Variants in ZBTB20 observed in about 807,000 individuals in gnomAD.
The protein encoded by ZBTB20 is zinc finger and BTB domain-containing protein 20.
In ZBTB20, 9 loss-of-function variants were observed where a neutral mutation model predicts 56.9. The ratio of observed to expected loss-of-function variants is 0.16; its 90% confidence interval spans 0.10 to 0.28. The LOEUF is 0.28. Ranked by LOEUF, ZBTB20 falls within the 10% of genes least tolerant of loss-of-function variation. The pLI, the probability that ZBTB20 is intolerant of heterozygous loss-of-function variation, is 1.00. For synonymous variants in ZBTB20, 417 were observed against 420.7 expected (o/e 0.99, Z 0.11); for missense variants, 655 against 1,003.0 (o/e 0.65, Z 4.69).
chr3:114,578,778 A>T (rs1374964629), intron 6 of ZBTB20, among the ~76,000 whole-genome samples: 1 of 151,772 alleles, frequency 6.6e-6, no homozygotes, highest in African/African-American at 2.4e-5. Context: ...CAAGGTCCTC[A>T]TTAAATAATT....
chr3:114,561,856 T>C (rs949115850), intron 6 of ZBTB20, among the ~76,000 whole-genome samples: 1 of 152,108 alleles, frequency 6.6e-6, no homozygotes, highest in Admixed American at 6.6e-5. Flanking sequence ...TCAATAGCTA[T>C]AAAAACCCTA....
intron 2 of ZBTB20, among the ~76,000 whole-genome samples, chr3:115,048,317 TCTA>T (rs2081413430): frequency 1.3e-5 from 2 of 152,194 alleles, no homozygotes. Flanking sequence ...TACACACAAA[TCTA>T]CTATTTCTAT....
At chr3:114,839,142 T>C (rs1398421767) in intron 4 of ZBTB20, among the ~76,000 whole-genome samples, 1 of 152,166 alleles carries the variant, frequency 6.6e-6, no homozygotes, top group Admixed American at 6.5e-5. Context: ...GTCTCATGCC[T>C]ATAATCCCAG....
intron 5 of ZBTB20, among the ~76,000 whole-genome samples, chr3:114,714,401 T>C (rs2064311614): frequency 6.6e-6 from 1 of 152,204 alleles, no homozygotes; most frequent in Non-Finnish European, 1.5e-5. Flanking sequence ...ACTTCCTCCA[T>C]TAAACTGGCT....
At chr3:114,539,737 C>G (rs772684850) in intron 6 of ZBTB20, among the ~76,000 whole-genome samples, 1 of 151,996 alleles carries the variant, frequency 6.6e-6, no homozygotes, top group Non-Finnish European at 1.5e-5. Context: ...CTATACCCAC[C>G]CTTCCAGTTC....
intron 4 of ZBTB20, among the ~76,000 whole-genome samples, chr3:114,889,103 A>T (rs926359605): frequency 6.6e-6 from 1 of 151,984 alleles, no homozygotes; most frequent in Non-Finnish European, 1.5e-5. Flanking sequence ...ATTTTACACA[A>T]ATATGAATGT....
intron 6 of ZBTB20, among the ~76,000 whole-genome samples, chr3:114,662,803 T>C (rs1168433543): frequency 6.6e-6 from 1 of 152,090 alleles, no homozygotes; most frequent in Non-Finnish European, 1.5e-5. Context: ...TTCTGGATAT[T>C]AGCCATGAGT....
intron 2 of ZBTB20, among the ~76,000 whole-genome samples, chr3:115,027,728 G>A (rs1177401421): frequency 2.7e-5 from 4 of 150,826 alleles, no homozygotes; most frequent in African/African-American, 4.8e-5. Flanking sequence ...ATTAAAATAT[G>A]TCAAAATACT....
At chr3:114,748,565 C>T (rs990956688) in intron 5 of ZBTB20, among the ~76,000 whole-genome samples, 1 of 151,932 alleles carries the variant, frequency 6.6e-6, no homozygotes, top group African/African-American at 2.4e-5. Flanking sequence ...ACTCTCAGTC[C>T]TTGCTCAAAG....
rs5851935 is a variant in ZBTB20 at position 114,783,791 on chromosome 3, C to CAAA, written c.-343+17307_-343+17309dup. ...CTGGTGACGGAGCAAGACTCTGCCT[C>CAAA]AAAAAAAAAAAAAAAAATACATCCT... On this transcript the variant is annotated intron_variant, in intron 5 of 11. Transcript: ENST00000675478. Among the ~76,000 whole-genome samples the CAAA allele has an allele frequency of 8.6e-4, 112 of 130,972 alleles. 3 individuals carry two copies. Among genetic ancestry groups the CAAA allele is most frequent in the South Asian group, 5.4e-3 (21 of 3,860 alleles). 85.9% of individuals were successfully genotyped at this position (130,972 alleles called of 152,430 possible).
chr3:114,360,252 CT>C (rs1232091236), intron 10 of ZBTB20, among the ~76,000 whole-genome samples: 1 of 151,634 alleles, frequency 6.6e-6, no homozygotes, highest in Non-Finnish European at 1.5e-5. Context: ...TCCCTTGGGT[CT>C]TTCTAACAAA....
chr3:114,621,544 C>T (rs1387599060), intron 6 of ZBTB20, among the ~76,000 whole-genome samples: 1 of 151,938 alleles, frequency 6.6e-6, no homozygotes, highest in Non-Finnish European at 1.5e-5. Flanking sequence ...ATACTAAAAA[C>T]CACTTCTATA....
chr3:114,573,287 C>T (rs992434460), intron 6 of ZBTB20, among the ~76,000 whole-genome samples: 2 of 151,884 alleles, frequency 1.3e-5, no homozygotes, highest in Non-Finnish European at 1.5e-5. Context: ...TGGTGAAACC[C>T]TGTCTCTACT....
At chr3:115,070,802 T>TA (rs1315093429) in intron 2 of ZBTB20, among the ~76,000 whole-genome samples, 1 of 151,644 alleles carries the variant, frequency 6.6e-6, no homozygotes, top group African/African-American at 2.4e-5. Flanking sequence ...TATACTCACA[T>TA]AAAAAATAAA....
intron 6 of ZBTB20, among the ~76,000 whole-genome samples, chr3:114,573,302 T>C (rs1230254521): frequency 6.6e-6 from 1 of 151,254 alleles, no homozygotes; most frequent in Non-Finnish European, 1.5e-5. Flanking sequence ...TCTACTAAAA[T>C]ACAAAAAAGT....
intron 5 of ZBTB20, among the ~76,000 whole-genome samples, chr3:114,770,968 C>T (rs750408017): frequency 1.9e-4 from 29 of 152,092 alleles, no homozygotes; most frequent in African/African-American, 7.0e-4. Flanking sequence ...TTCAGATTTT[C>T]GGATTAGGGA....
At chr3:114,657,347 C>T (rs931269641) in intron 6 of ZBTB20, among the ~76,000 whole-genome samples, 3 of 152,146 alleles carry the variant, frequency 2.0e-5, no homozygotes, top group African/African-American at 7.2e-5. Context: ...ATTCATAAAG[C>T]CTGAGACATT....
intron 1 of ZBTB20, among the ~76,000 whole-genome samples, chr3:115,084,285 C>A (rs1314495684): frequency 0.012 from 1,477 of 119,428 alleles, no homozygotes; most frequent in Non-Finnish European, 0.015. Flanking sequence ...TGAAGAGTGC[C>A]AAAAAAAAAA....
At chr3:115,041,874 A>G (rs1464338395) in intron 2 of ZBTB20, among the ~76,000 whole-genome samples, 3 of 152,154 alleles carry the variant, frequency 2.0e-5, no homozygotes, top group Non-Finnish European at 4.4e-5. Context: ...TGGAAGGTCT[A>G]CCTCTGTCTA....
Sources: gnomAD v4.1 joint callset for allele counts (sites outside exome capture counted in the v4.1 genomes callset) on GRCh38, gnomAD v4.1.1 for gene constraint, MANE v1.5 for transcripts, NCBI Gene and HGNC (gene_info 2026-07-23, HGNC 2026-07-21) for gene names.